CYP20A1: variants seen among roughly 807,000 people sequenced by gnomAD.
CYP20A1 encodes the protein cytochrome P450 family 20 subfamily A member 1.
In CYP20A1, 61 loss-of-function variants were observed where a neutral mutation model predicts 61.4. The ratio of observed to expected loss-of-function variants is 0.99; its 90% confidence interval spans 0.81 to 1.23. CYP20A1 has a LOEUF of 1.23. Among genes scored for constraint, CYP20A1 ranks in the 50% most tolerant of loss-of-function variants. The pLI is 0.00. For missense variants in CYP20A1, 530 were observed against 542.4 expected (o/e 0.98, Z 0.23); for synonymous variants, 193 against 188.2 (o/e 1.03, Z -0.21).
chr2:203,282,059 C>G (rs1323034721), intron 8 of CYP20A1, among the ~76,000 whole-genome samples: 1 of 98,310 alleles, frequency 1.0e-5, no homozygotes, highest in African/African-American at 3.6e-5. Flanking sequence ...TTTTTTGAGA[C>G]GGAGTTTTGC....
At position 203,289,886 on chromosome 2, in the gene CYP20A1, C is replaced by T. The variant is rs748778498; in HGVS notation, c.1083+10C>T. ...TATTATTCCTAGAGAGGTAGAAAAC[C>T]TTTAATATGTTTAATTCATTCAGCT... On this transcript the variant is annotated intron_variant, in intron 10 of 12. Coordinates refer to ENST00000356079, the MANE Select transcript of CYP20A1 (RefSeq NM_177538.3). 4.5e-6 allele frequency: 6 copies of T among 1,344,426 alleles called. No individual in the cohort carries two copies. In the Admixed American group the frequency reaches 5.5e-5, roughly 12 times the overall value. The allele number at this position is 1,344,426 out of a possible 1,614,324, so 83.3% of individuals were successfully genotyped here. A position where few individuals can be genotyped will look rare whatever the true frequency, so the allele number is the denominator to read the frequency against.
At chr2:203,265,831 C>T (rs1247525909) in intron 4 of CYP20A1, among the ~76,000 whole-genome samples, 1 of 152,134 alleles carries the variant, frequency 6.6e-6, no homozygotes, top group Admixed American at 6.6e-5. Flanking sequence ...GCTGGGATTA[C>T]AGGCGTGCAC....
At chr2:203,288,968 A>C (rs1409041726) in intron 9 of CYP20A1, among the ~76,000 whole-genome samples, 3 of 152,202 alleles carry the variant, frequency 2.0e-5, no homozygotes, top group Non-Finnish European at 2.9e-5. Context: ...AATACATTTT[A>C]GTTTTTATTC....
At position 203,292,274 on chromosome 2, in the gene CYP20A1, T is replaced by TATGC; in HGVS notation, c.1097_1100dup (p.Leu368CysfsTer10). ...TTTTTTTTCACAGACCCTCGTCCTT[T>TATGC]ATGCCCTTGGTGTGGTACTTCAGGA... On this transcript the variant is annotated frameshift_variant, in exon 11 of 13. Transcript: ENST00000356079. LOFTEE classifies it high-confidence loss of function. The TATGC allele has an allele frequency of 1.9e-6, 3 of 1,612,946 alleles. No individual in the cohort carries two copies. Among genetic ancestry groups the TATGC allele is most frequent in the Non-Finnish European group, 2.5e-6 (3 of 1,179,178 alleles).
chr2:203,240,231 A>G (rs1329275473), intron 1 of CYP20A1, among the ~76,000 whole-genome samples: 1 of 152,236 alleles, frequency 6.6e-6, no homozygotes, highest in East Asian at 1.9e-4. Flanking sequence ...GAGCAGGTAA[A>G]TGGATTAGAC....
rs1414697155 is a variant in CYP20A1 at position 203,296,689 on chromosome 2, G to A, written c.1239-69G>A. On this transcript the variant is annotated intron_variant, in intron 12 of 12. Transcript: ENST00000356079. ...TTGTACTTTAAGTTCTGGGGTTCAT[G>A]TGCAGAACGTGCAGGTTTAAAGTAT... 6.0e-6 allele frequency: 9 copies of A among 1,510,892 alleles called. No individual in the cohort carries two copies. In the Admixed American group the frequency reaches 1.8e-4, roughly 30 times the overall value. 93.6% of individuals were successfully genotyped at this position (1,510,892 alleles called of 1,614,324 possible).
At chr2:203,267,101 A>G (rs149260043) in intron 5 of CYP20A1, among the ~76,000 whole-genome samples, 1 of 152,030 alleles carries the variant, frequency 6.6e-6, no homozygotes, top group Non-Finnish European at 1.5e-5. Flanking sequence ...GTTCAAGGCT[A>G]CAGAGAGCTA....
At chr2:203,243,541 G>A (rs933116207) in intron 1 of CYP20A1, among the ~76,000 whole-genome samples, 12 of 151,298 alleles carry the variant, frequency 7.9e-5, no homozygotes, top group African/African-American at 2.9e-4. Context: ...CCACTACCAC[G>A]CCCTGTTAAT....
At chr2:203,291,508 A>G (rs1468403046) in intron 10 of CYP20A1, among the ~76,000 whole-genome samples, 1 of 152,204 alleles carries the variant, frequency 6.6e-6, no homozygotes, top group Admixed American at 6.5e-5. Context: ...AAATTTTCAT[A>G]CATATATTAA....
At chr2:203,273,375 A>G (rs1455836075) in intron 6 of CYP20A1, among the ~76,000 whole-genome samples, 1 of 152,344 alleles carries the variant, frequency 6.6e-6, no homozygotes, top group Non-Finnish European at 1.5e-5. Context: ...ATGAAATTAT[A>G]TGAAAGAAGA....
rs1167546590 is a variant in CYP20A1, at chr2:203,294,941, A to ATTTTTTTTTT, written c.1149-1513_1149-1504dup. On this transcript the variant is annotated intron_variant, in intron 11 of 12. Transcript: ENST00000356079. ...GCCACTGTGCCCAGCCTTTAAAAAA[A>ATTTTTTTTTT]TTTTTTTTTTTTTTTTTTTTTTTTT... Among the ~76,000 whole-genome samples, 111 of 45,454 alleles carry ATTTTTTTTTT rather than the reference A, an allele frequency of 2.4e-3. 12 individuals are homozygous for ATTTTTTTTTT. Among genetic ancestry groups the ATTTTTTTTTT allele is most frequent in the East Asian group, 0.023 (34 of 1,464 alleles). 29.8% of individuals were successfully genotyped at this position (45,454 alleles called of 152,430 possible).
intron 11 of CYP20A1, 31 bp downstream of exon 11, chr2:203,292,357 T>C (rs147797037): frequency 3.3e-6 from 5 of 1,531,738 alleles, no homozygotes; most frequent in Non-Finnish European, 3.6e-6. Context: ...TATTTGTGAC[T>C]GTCAGTTTTT....
At position 203,296,507 on chromosome 2, in the gene CYP20A1, A is replaced by T. The variant is rs768047602; in HGVS notation, c.1182A>T (p.Val394=). The change falls in exon 12 of 13, where the codon GTA becomes GTT. Residue 394 remains valine (V), a synonymous_variant. Transcript: ENST00000356079. Reference sequence around the variant, plus strand: ...CAGATCGGTTTGATGATGAATTAGTAATGAAAACTTTTTCCTCACTTGGAT... The same window carrying T: ...CAGATCGGTTTGATGATGAATTAGTTATGAAAACTTTTTCCTCACTTGGAT... ...FDPDRFDDEL[V]MKTFSSLGFS... is the part of the protein sequence containing the mutation. 8.7e-6 allele frequency: 14 copies of T among 1,612,636 alleles called. No individual in the cohort carries two copies. Among genetic ancestry groups the T allele is most frequent in the Non-Finnish European group, 1.7e-6 (2 of 1,179,300 alleles).
intron 9 of CYP20A1, among the ~76,000 whole-genome samples, chr2:203,289,144 T>TA (rs1203755857): frequency 3.9e-5 from 6 of 151,906 alleles, no homozygotes; most frequent in South Asian, 4.1e-4. Context: ...ATCTGGCAAG[T>TA]AAAAAAAATG....
At chr2:203,263,874 G>T (rs904464137) in intron 4 of CYP20A1, among the ~76,000 whole-genome samples, 1 of 152,078 alleles carries the variant, frequency 6.6e-6, no homozygotes, top group Non-Finnish European at 1.5e-5. Flanking sequence ...TGTTACTGTT[G>T]TTGATCTTTT....
chr2:203,266,441 A>G, intron 4 of CYP20A1, 73 bp from the exon 5 acceptor site: 1 of 1,359,880 alleles, frequency 7.4e-7, no homozygotes, highest in Non-Finnish European at 1.0e-6. Flanking sequence ...CATTAAATGA[A>G]TCTACTTAGT....
Position 203,302,563 on chromosome 2 carries a change from T to G in CYP20A1, c.*5655T>G, listed in dbSNP as rs778647893. Reference sequence around the variant, plus strand: ...GATTCTAATATAGATACTCTTTTTATGCATATGTAATTTATATATATTATA... The same window carrying G: ...GATTCTAATATAGATACTCTTTTTAGGCATATGTAATTTATATATATTATA... On this transcript the variant is annotated 3_prime_UTR_variant, in exon 13 of 13. Coordinates refer to ENST00000356079, the MANE Select transcript of CYP20A1 (RefSeq NM_177538.3). Among the ~76,000 whole-genome samples, 5 of 152,208 alleles carry G rather than the reference T, an allele frequency of 3.3e-5. No homozygotes were observed. Among genetic ancestry groups the G allele is most frequent in the Middle Eastern group, 3.2e-3 (1 of 316 alleles).
At chr2:203,262,852 C>G (rs1005327049) in intron 4 of CYP20A1, among the ~76,000 whole-genome samples, 1 of 151,462 alleles carries the variant, frequency 6.6e-6, no homozygotes, top group African/African-American at 2.4e-5. Flanking sequence ...CCACGCCCTG[C>G]TATTTTTAGT....
In CYP20A1 at chr2:203,244,870, C is replaced by G. The variant is rs1357270316; in HGVS notation, c.73-976C>G. Among the ~76,000 whole-genome samples the G allele has an allele frequency of 4.6e-5, 7 of 151,072 alleles. No homozygotes were observed. In the East Asian group the frequency reaches 1.2e-3, roughly 25 times the overall value. On this transcript the variant is annotated intron_variant, in intron 1 of 12. Transcript: ENST00000356079. ...GCCTCAGCCTCCCGAGTAGCTGGGA[C>G]TACAGGCGCCCGCCACAACGCCCTG...
Sources: allele counts gnomAD v4.1 joint callset (sites outside exome capture counted in the v4.1 genomes callset), GRCh38; gene constraint gnomAD v4.1.1; transcripts MANE v1.5; gene names NCBI Gene and HGNC (gene_info 2026-07-23, HGNC 2026-07-21).